CFAP70: variants seen among roughly 807,000 people sequenced by gnomAD.
CFAP70 encodes cilia- and flagella-associated protein 70.
CFAP70 carries 81 observed loss-of-function variants against 137.6 expected under a neutral mutation model. The ratio of observed to expected loss-of-function variants is 0.59; its 90% CI spans 0.49 to 0.71. The LOEUF is 0.71. Ranked by LOEUF, CFAP70 falls within the 30% of genes least tolerant of loss-of-function variation. The probability of loss-of-function intolerance (pLI) is 0.00; values close to 1 mark genes in which losing one functional copy is unlikely to be tolerated. For missense variants in CFAP70, 976 were observed against 1,226.7 expected (o/e 0.80, Z 3.05); for synonymous variants, 382 against 423.6 (o/e 0.90, Z 1.20).
chr10:73,307,599 G>A (rs1356221585), intron 12 of CFAP70, among the ~76,000 whole-genome samples: 2 of 152,148 alleles, frequency 1.3e-5, no homozygotes, highest in Non-Finnish European at 2.9e-5. Context: ...CAAATAAAAA[G>A]AGGGTACAAG....
intron 12 of CFAP70, among the ~76,000 whole-genome samples, chr10:73,304,929 A>G (rs540830238): frequency 5.9e-5 from 9 of 152,156 alleles, no homozygotes; most frequent in Non-Finnish European, 1.0e-4. Context: ...GTTTACAGTA[A>G]CAAAGAGAAT....
At chr10:73,291,940 G>A (rs1186910161) in exon 17 of CFAP70, 1 of 1,614,052 alleles carries the variant, frequency 6.2e-7, no homozygotes, top group African/African-American at 1.3e-5. Flanking sequence ...GTGCTTTGAT[G>A]TTGTCTTCAG....
At chr10:73,345,547 T>C (rs1156378850) in intron 4 of CFAP70, among the ~76,000 whole-genome samples, 3 of 152,148 alleles carry the variant, frequency 2.0e-5, no homozygotes, top group Non-Finnish European at 4.4e-5. Flanking sequence ...GGCTCACTCC[T>C]GTAATCCCAG....
intron 25 of CFAP70, among the ~76,000 whole-genome samples, chr10:73,263,971 T>C (rs973301317): frequency 2.5e-4 from 38 of 152,346 alleles, no homozygotes; most frequent in African/African-American, 8.9e-4. Context: ...TATATCACTG[T>C]GGGCTCATAG....
intron 3 of CFAP70, among the ~76,000 whole-genome samples, chr10:73,353,142 CT>C (rs1269009397): frequency 1.3e-5 from 2 of 152,130 alleles, no homozygotes; most frequent in East Asian, 3.8e-4. Flanking sequence ...CTAGGGAAGA[CT>C]TTTTTCTCTA....
intron 9 of CFAP70, among the ~76,000 whole-genome samples, chr10:73,320,114 T>C (rs2050723905): frequency 6.6e-6 from 1 of 152,216 alleles, no homozygotes; most frequent in African/African-American, 2.4e-5. Flanking sequence ...TATGAAGGTT[T>C]ATTTTATATA....
chr10:73,309,356 G>A (rs2049697632), intron 12 of CFAP70, among the ~76,000 whole-genome samples: 1 of 152,170 alleles, frequency 6.6e-6, no homozygotes, highest in South Asian at 2.1e-4. Flanking sequence ...TAACATGCGT[G>A]TGTGTGTTTA....
chr10:73,360,861 T>C (rs763381447), upstream of CFAP70, among the ~76,000 whole-genome samples: 11 of 152,180 alleles, frequency 7.2e-5, no homozygotes, highest in Non-Finnish European at 1.3e-4. Flanking sequence ...CAGAAATCGC[T>C]CATGATCTTG....
intron 4 of CFAP70, 54 bp downstream of exon 5, chr10:73,348,102 G>C: frequency 6.6e-7 from 1 of 1,518,258 alleles, no homozygotes; most frequent in South Asian, 1.1e-5. Context: ...ATAGCAGACA[G>C]AATTGTTACA....
chr10:73,285,273 A>G (rs911944319), intron 19 of CFAP70, among the ~76,000 whole-genome samples: 3 of 152,188 alleles, frequency 2.0e-5, no homozygotes, highest in African/African-American at 7.2e-5. Context: ...AGTTAAACAG[A>G]GTAGATAGGC....
intron 3 of CFAP70, among the ~76,000 whole-genome samples, chr10:73,351,354 G>A (rs915432054): frequency 5.3e-5 from 8 of 151,940 alleles, no homozygotes; most frequent in African/African-American, 1.2e-4. Context: ...TCCTGACCTC[G>A]TGATCTGCCC....
At chr10:73,361,306 T>TC (rs1309004840), upstream of CFAP70, among the ~76,000 whole-genome samples, 1 of 150,876 alleles carries the variant, frequency 6.6e-6, no homozygotes, top group South Asian at 2.1e-4. Context: ...TTTTTTTTTT[T>TC]TTTTTTCTTT....
intron 25 of CFAP70, among the ~76,000 whole-genome samples, chr10:73,261,851 T>G (rs1024422083): frequency 7.2e-5 from 11 of 151,814 alleles, no homozygotes; most frequent in Admixed American, 7.2e-4. Context: ...TAGTGCGGTG[T>G]CAATCTGCAT....
In CFAP70 at chr10:73,348,417, T is replaced by C; in HGVS notation, c.349+6A>G. 6.2e-7 allele frequency: 1 copy of C among 1,603,930 alleles called. No homozygotes were observed. The highest frequency in any genetic ancestry group is 8.5e-7 in the Non-Finnish European group (1 of 1,172,326). On this transcript the variant is annotated splice_donor_region_variant and intron_variant, in intron 4 of 26. Transcript: ENST00000310715. Reference sequence around the variant, plus strand: ...TTTCTGCTTTTGGGCAAAGCACACATCTGACCTTCCAGTAAGGGAAGAAGG... The same window carrying C: ...TTTCTGCTTTTGGGCAAAGCACACACCTGACCTTCCAGTAAGGGAAGAAGG...
chr10:73,274,895 T>C (rs2046584601), intron 22 of CFAP70: 1 of 266,756 alleles, frequency 3.7e-6, no homozygotes, highest in African/African-American at 2.2e-5. Flanking sequence ...CATGAGAAAA[T>C]ATAAGAAATC....
chr10:73,356,426 A>G (rs1564899146), intron 1 of CFAP70, among the ~76,000 whole-genome samples: 1 of 152,104 alleles, frequency 6.6e-6, no homozygotes, highest in Non-Finnish European at 1.5e-5. Flanking sequence ...CTCGACGGCT[A>G]GGCTCAAGCA....
chr10:73,297,916 A>G (rs1052470043), intron 14 of CFAP70, among the ~76,000 whole-genome samples: 6 of 152,212 alleles, frequency 3.9e-5, no homozygotes, highest in African/African-American at 1.4e-4. Flanking sequence ...CCCAACTAGT[A>G]AATGTGGAAC....
At chr10:73,322,566 T>TAAAA (rs143744938) in intron 9 of CFAP70, among the ~76,000 whole-genome samples, 3 of 105,646 alleles carry the variant, frequency 2.8e-5, no homozygotes, top group African/African-American at 7.2e-5. Context: ...CCCACATCTC[T>TAAAA]AAAAAAAAAA....
intron 25 of CFAP70, among the ~76,000 whole-genome samples, chr10:73,262,963 C>T (rs757884372): frequency 4.6e-5 from 7 of 152,128 alleles, no homozygotes; most frequent in Non-Finnish European, 1.0e-4. Flanking sequence ...TTTCTAAAAT[C>T]AAGGATATTC....
Sources: gnomAD v4.1 joint callset for allele counts (sites outside exome capture counted in the v4.1 genomes callset) on GRCh38, gnomAD v4.1.1 for gene constraint, MANE v1.5 for transcripts, NCBI Gene and HGNC (gene_info 2026-07-23, HGNC 2026-07-21) for gene names.